The following CRB2 variants were observed in gnomAD, a reference collection of about 807,000 sequenced individuals.
The protein encoded by CRB2 is crumbs cell polarity complex component 2.
A neutral mutation model predicts 110.9 loss-of-function variants in CRB2; 85 were observed. The observed-to-expected ratio is 0.77, with a 90% CI of 0.64 to 0.92. CRB2 has a LOEUF of 0.92. CRB2 is among the 40% of genes least tolerant of loss of function. CRB2 has a pLI of 0.00. For synonymous variants in CRB2, 907 were observed against 831.0 expected (o/e 1.09, Z -1.57); for missense variants, 1,843 against 1,851.3 (o/e 1.00, Z 0.08).
At position 123,372,257 on chromosome 9, in the gene CRB2, GC is replaced by G; in HGVS notation, c.2519del (p.Pro840LeufsTer301). ...HCTCPANFTG[P>X]TCAQQLWCPG... is the part of the protein sequence containing the mutation. Reference sequence around the variant, plus strand: ...GTACCTGCCCTGCCAATTTCACGGGGCCTACGTGTGCCCAGCAGCTGTGGTG... The same window carrying G: ...GTACCTGCCCTGCCAATTTCACGGGGCTACGTGTGCCCAGCAGCTGTGGTG... On this transcript the variant is annotated frameshift_variant, in exon 9 of 13. Coordinates refer to ENST00000373631, the MANE Select transcript of CRB2 (RefSeq NM_173689.7). LOFTEE classifies it high-confidence loss of function. 1 of 1,614,038 alleles carries G rather than the reference GC, an allele frequency of 6.2e-7. No homozygotes were observed. Among genetic ancestry groups the G allele is most frequent in the Non-Finnish European group, 8.5e-7 (1 of 1,179,974 alleles).
At chr9:123,379,150 T>C (rs1471605210), downstream of CRB2, among the ~76,000 whole-genome samples, 1 of 151,104 alleles carries the variant, frequency 6.6e-6, no homozygotes, top group East Asian at 2.0e-4. Context: ...GTCCTGCAAG[T>C]GGGGGCATGG....
In CRB2 at chr9:123,367,634, C is replaced by G; in HGVS notation, c.1002C>G (p.His334Gln). The change falls in exon 6 of 13, where the codon CAC (histidine) becomes CAG (glutamine). Residue 334 changes from histidine (H) to glutamine (Q), a missense_variant. By Grantham distance (24) the His-to-Gln change is conservative. Transcript: ENST00000373631. ...CACGGCCATGCCTCAACGGAGGCCA[C>G]TGCCAGGACCTGCCCAATGGCTTCC... ...CASRPCLNGG[H>Q]CQDLPNGFQC... 6.4e-7 allele frequency: 1 copy of G among 1,570,138 alleles called. No homozygotes were observed. The highest frequency in any genetic ancestry group is 8.6e-7 in the Non-Finnish European group (1 of 1,158,278).
At position 123,373,715 on chromosome 9, in the gene CRB2, C is replaced by T. The variant is rs1409336047; in HGVS notation, c.3184C>T (p.Pro1062Ser). 3.2e-6 allele frequency: 5 copies of T among 1,554,294 alleles called. No homozygotes were observed. The highest frequency in any genetic ancestry group is 1.8e-5 in the Admixed American group (1 of 55,028). The change falls in exon 10 of 13, where the codon CCC (proline) becomes TCC (serine). Residue 1062 changes from proline to serine, a missense_variant. Physicochemically the swap from Pro to Ser is moderately conservative, Grantham distance 74. Coordinates refer to ENST00000373631, the MANE Select transcript of CRB2 (RefSeq NM_173689.7). ...LGCRGAPVCA[P>S]SPCLHDGACR... ...CTGCCGCGGCGCGCCCGTGTGTGCG[C>T]CCTCGCCCTGTCTGCACGACGGTGC...
chr9:123,376,748 A>AG, intron 12 of CRB2, 90 bp from the exon 13 acceptor site: 2 of 1,204,642 alleles, frequency 1.7e-6, no homozygotes, highest in Non-Finnish European at 2.3e-6. Flanking sequence ...TTCTCTGAGT[A>AG]GGTCCTTGTG....
chr9:123,373,880 G>A lies in CRB2; in HGVS notation c.3349G>A (p.Glu1117Lys). 1 of 1,549,328 alleles carries A rather than the reference G, an allele frequency of 6.5e-7. No individual in the cohort carries two copies. Among genetic ancestry groups the A allele is most frequent in the Non-Finnish European group, 8.7e-7 (1 of 1,150,222 alleles). Residue 1117 changes from glutamate to lysine, a missense_variant, in exon 10 of 13, where the codon GAG (glutamate) becomes AAG (lysine). Coordinates refer to ENST00000373631, the MANE Select transcript of CRB2 (RefSeq NM_173689.7). ...TCACACGCACCCCGACGGCCGCTTC[G>A]AGTGCCGCTGCCCGCCTGGCTTCGG... Reference protein sequence around the residue: ...RCHTHPDGRFECRCPPGFGGP... With the variant: ...RCHTHPDGRFKCRCPPGFGGP...
Position 123,373,352 on chromosome 9 carries a change from G to C in CRB2, c.2821G>C (p.Gly941Arg). The C allele has an allele frequency of 1.4e-6, 2 of 1,435,984 alleles. No homozygotes were observed. Among genetic ancestry groups the C allele is most frequent in the Non-Finnish European group, 1.8e-6 (2 of 1,102,680 alleles). 89.0% of individuals were successfully genotyped at this position (1,435,984 alleles called of 1,614,324 possible). The change falls in exon 10 of 13, where the codon GGC becomes CGC. Residue 941 changes from glycine (G) to arginine (R), a missense_variant. Coordinates refer to ENST00000373631, the MANE Select transcript of CRB2 (RefSeq NM_173689.7). Reference sequence around the variant, plus strand: ...CGTGCGCGGAGGCCATGGCCTGCCCGGCGCTGTGCTGCCCATACCGGGGCC... The same window carrying C: ...CGTGCGCGGAGGCCATGGCCTGCCCCGCGCTGTGCTGCCCATACCGGGGCC... ...GGVRGGHGLP[G>R]AVLPIPGPRV...
intron 11 of CRB2, 120 bp from the exon 12 acceptor site, chr9:123,375,097 T>C: frequency 1.4e-6 from 2 of 1,464,234 alleles, no homozygotes; most frequent in Non-Finnish European, 1.9e-6. Context: ...GAGCAGCGCA[T>C]GGGGACAGTG....
rs115952111 is a variant in CRB2 at position 123,367,715 on chromosome 9, C to T, written c.1054+29C>T. 1.5e-3 allele frequency: 2,151 copies of T among 1,435,434 alleles called. 29 individuals carry two copies. In the African/African-American group the frequency reaches 0.027, roughly 18 times the overall value. The allele number at this position is 1,435,434 out of a possible 1,614,324, so 88.9% of individuals were successfully genotyped here. A position where few individuals can be genotyped will look rare whatever the true frequency, so the allele number is the denominator to read the frequency against. ...TCTGGGGTGGGGTGGGCCCTGGGAC[C>T]ATCAGAATTGGTGGTCCTCAGGTGA... On this transcript the variant is annotated intron_variant, in intron 6 of 12. Coordinates refer to ENST00000373631, the MANE Select transcript of CRB2 (RefSeq NM_173689.7).
chr9:123,370,999 G>A lies in CRB2; in HGVS notation c.1927+19G>A, dbSNP rs1430369783. ...GCTGATGGTGAGGAATAAGCCAGGT[G>A]GGAAGGCAGCACCTGAGATCTGCCT... On this transcript the variant is annotated intron_variant, in intron 7 of 12. Transcript: ENST00000373631. 2 of 1,596,792 alleles carry A rather than the reference G, an allele frequency of 1.3e-6. No homozygotes were observed. Among genetic ancestry groups the A allele is most frequent in the Non-Finnish European group, 1.7e-6 (2 of 1,169,970 alleles).
At chr9:123,362,089 T>C (rs751957801) in intron 1 of CRB2, among the ~76,000 whole-genome samples, 2 of 152,102 alleles carry the variant, frequency 1.3e-5, no homozygotes, top group African/African-American at 2.4e-5. Flanking sequence ...AGGTGTTTGC[T>C]GATGGGGGAT....
At chr9:123,374,312 C>T (rs1166257777) in intron 10 of CRB2, among the ~76,000 whole-genome samples, 2 of 152,042 alleles carry the variant, frequency 1.3e-5, no homozygotes, top group East Asian at 3.9e-4. Context: ...CTCCCTCTCC[C>T]CTCAAGGAAT....
chr9:123,379,892 G>A (rs115901487), downstream of CRB2: 20 of 152,308 alleles, frequency 1.3e-4, no homozygotes, highest in Non-Finnish European at 2.9e-5. Context: ...TGGAATCTAT[G>A]CTGAAACACC....
Position 123,356,368 on chromosome 9 carries a change from C to T in CRB2, c.94+14C>T. 1.3e-6 allele frequency: 2 copies of T among 1,536,168 alleles called. No homozygotes were observed. Among genetic ancestry groups the T allele is most frequent in the South Asian group, 1.2e-5 (1 of 82,498 alleles). On this transcript the variant is annotated intron_variant, in intron 1 of 12. Coordinates refer to ENST00000373631, the MANE Select transcript of CRB2 (RefSeq NM_173689.7). ...CCCTCCTGGCTGGTGAGTTGGGGCCCATGTCTGGAGGGGCCTGGGAGAGGG... is the reference window on the plus strand; with the variant it reads ...CCCTCCTGGCTGGTGAGTTGGGGCCTATGTCTGGAGGGGCCTGGGAGAGGG...
At chr9:123,378,808 T>TC (rs1564382888), downstream of CRB2, 6 of 68,982 alleles carry the variant, frequency 8.7e-5, no homozygotes, top group Admixed American at 1.1e-3. Flanking sequence ...GTTTTTTGTT[T>TC]TTTTTTTTTT....
At position 123,371,343 on chromosome 9, in the gene CRB2, G is replaced by A; in HGVS notation, c.2201G>A (p.Gly734Glu). The change falls in exon 8 of 13, where the codon GGG (glycine) becomes GAG (glutamate). Residue 734 changes from glycine to glutamate, a missense_variant. Gly to Glu is a moderately conservative substitution (Grantham distance 98). Coordinates refer to ENST00000373631, the MANE Select transcript of CRB2 (RefSeq NM_173689.7). Reference sequence around the variant, plus strand: ...CGTCACCTGGTGATGCTCAGCTTCGGGCCTGACCAGCTGCAGGACCTGGGG... The same window carrying A: ...CGTCACCTGGTGATGCTCAGCTTCGAGCCTGACCAGCTGCAGGACCTGGGG... ...GLRHLVMLSF[G>E]PDQLQDLGQH... The A allele has an allele frequency of 6.2e-7, 1 of 1,605,882 alleles. No homozygotes were observed. Among genetic ancestry groups the A allele is most frequent in the African/African-American group, 1.3e-5 (1 of 74,966 alleles).
At chr9:123,379,226 G>A (rs73573304), downstream of CRB2, among the ~76,000 whole-genome samples, 3,596 of 152,166 alleles carry the variant, frequency 0.024, 146 homozygotes, top group African/African-American at 0.083. Flanking sequence ...TCACTATGGG[G>A]TGGTCGATTG....
intron 1 of CRB2, among the ~76,000 whole-genome samples, chr9:123,361,944 C>A (rs907900403): frequency 6.6e-6 from 1 of 152,158 alleles, no homozygotes; most frequent in African/African-American, 2.4e-5. Flanking sequence ...GATCTCTGGG[C>A]GTGGCTTCCA....
intron 1 of CRB2, among the ~76,000 whole-genome samples, chr9:123,359,871 C>G (rs1419336390): frequency 1.3e-5 from 2 of 151,952 alleles, no homozygotes; most frequent in Non-Finnish European, 2.9e-5. Flanking sequence ...CAGCTGGGTT[C>G]TGGATAGACG....
chr9:123,367,545 G>T, intron 5 of CRB2, 28 bp from the exon 6 acceptor site: 1 of 1,531,186 alleles, frequency 6.5e-7, no homozygotes, highest in South Asian at 1.2e-5. Flanking sequence ...GAGGGTGCAG[G>T]TGGGACCCAC....
Sources: allele counts gnomAD v4.1 joint callset (sites outside exome capture counted in the v4.1 genomes callset), GRCh38; gene constraint gnomAD v4.1.1; transcripts MANE v1.5; gene names NCBI Gene and HGNC (gene_info 2026-07-23, HGNC 2026-07-21).